Variants in LGALS3 observed in about 807,000 individuals in gnomAD.
LGALS3 encodes the protein galectin 3.
Under a neutral mutation model 20.7 loss-of-function variants are expected in LGALS3, and 18 were observed. The observed-to-expected ratio is 0.87, with a 90% CI of 0.60 to 1.29. The LOEUF (loss-of-function observed/expected upper bound fraction) is 1.29. LGALS3 is among the 50% of genes most tolerant of loss of function. The pLI is 0.00. For missense variants in LGALS3, 315 were observed against 314.7 expected (o/e 1.00, Z -0.01); for synonymous variants, 112 against 119.6 (o/e 0.94, Z 0.42).
Position 55,138,322 on chromosome 14 carries a change from G to C in LGALS3, c.296G>C (p.Gly99Ala), listed in dbSNP as rs1302896254. 6.2e-7 allele frequency: 1 copy of C among 1,612,462 alleles called. No homozygotes were observed. The highest frequency in any genetic ancestry group is 8.5e-7 in the Non-Finnish European group (1 of 1,179,848). ...TCTTCTGGACAGCCAAGTGCCACCG[G>C]AGCCTACCCTGCCACTGGCCCCTAT... Reference protein sequence around the residue: ...YPSSGQPSATGAYPATGPYGA... With the variant: ...YPSSGQPSATAAYPATGPYGA... Residue 99 changes from glycine to alanine, a missense_variant, in exon 3 of 6, where the codon GGA becomes GCA. Physicochemically the swap from Gly to Ala is moderately conservative, Grantham distance 60. Transcript: ENST00000254301.
In LGALS3 at chr14:55,140,328, A is replaced by G. The variant is rs1324395685; in HGVS notation, c.396A>G (p.Ile132Met). Residue 132 changes from isoleucine to methionine, a missense_variant, in exon 4 of 6, where the codon ATA (isoleucine) becomes ATG (methionine). Coordinates refer to ENST00000254301, the MANE Select transcript of LGALS3 (RefSeq NM_002306.4). ...LPGGVVPRMLITILGTVKPNA... is the reference protein window; with the variant it reads ...LPGGVVPRMLMTILGTVKPNA... ...GGGGAGTGGTGCCTCGCATGCTGAT[A>G]ACAATTCTGGGCACGGTGAAGCCCA... 2 of 1,613,622 alleles carry G rather than the reference A, an allele frequency of 1.2e-6. No individual in the cohort carries two copies. Among genetic ancestry groups the G allele is most frequent in the Non-Finnish European group, 1.7e-6 (2 of 1,179,810 alleles).
At chr14:55,135,550 A>G (rs1442923440) in intron 1 of LGALS3, among the ~76,000 whole-genome samples, 1 of 148,340 alleles carries the variant, frequency 6.7e-6, no homozygotes, top group African/African-American at 2.5e-5. Flanking sequence ...AAATAAGGTA[A>G]TATTTTATGG....
At chr14:55,131,287 G>A (rs1381817870) in intron 1 of LGALS3, among the ~76,000 whole-genome samples, 1 of 152,206 alleles carries the variant, frequency 6.6e-6, no homozygotes, top group Non-Finnish European at 1.5e-5. Context: ...CTGTTAAGCG[G>A]TCTTTAAACT....
At position 55,129,754 on chromosome 14, in the gene LGALS3, A is replaced by G. The variant is rs946896694; in HGVS notation, c.-5+454A>G. 9.2e-5 allele frequency among the ~76,000 whole-genome samples: 14 copies of G among 152,238 alleles called. No individual in the cohort carries two copies. The East Asian group carries it at 2.7e-3, about 30-fold the overall frequency. ...GCTCAGCAAACCAGACGGCCGCTCCAGTTTCTCTAATTGGGGTTGGAGCCC... is the reference window on the plus strand; with the variant it reads ...GCTCAGCAAACCAGACGGCCGCTCCGGTTTCTCTAATTGGGGTTGGAGCCC... On this transcript the variant is annotated intron_variant, in intron 1 of 5. Transcript: ENST00000254301. This position sits in a 1 kb window ranked among gnomAD's most constrained non-coding sequence, Gnocchi z 5.3.
intron 1 of LGALS3, among the ~76,000 whole-genome samples, chr14:55,136,254 T>G (rs1881391384): frequency 6.6e-6 from 1 of 152,148 alleles, no homozygotes; most frequent in Non-Finnish European, 1.5e-5. Context: ...TTGCCTGAAT[T>G]TTTTCACCTT....
At chr14:55,144,315 T>C (rs1881737661) in intron 5 of LGALS3, among the ~76,000 whole-genome samples, 2 of 152,216 alleles carry the variant, frequency 1.3e-5, no homozygotes, top group Non-Finnish European at 2.9e-5. Context: ...GGCTAATTTT[T>C]GTATTTTTCT....
chr14:55,132,991 T>A (rs1881275259), intron 1 of LGALS3, among the ~76,000 whole-genome samples: 1 of 152,262 alleles, frequency 6.6e-6, no homozygotes, highest in Non-Finnish European at 1.5e-5. Flanking sequence ...CAAAATGGCA[T>A]TCTTGTATTC....
At chr14:55,144,089 G>T (rs1881729982) in intron 5 of LGALS3, among the ~76,000 whole-genome samples, 1 of 152,134 alleles carries the variant, frequency 6.6e-6, no homozygotes. Context: ...TACAACATTT[G>T]CCAGAGGAAT....
chr14:55,142,581 CAG>C lies in LGALS3; in HGVS notation c.432-1_432del. 1 of 1,610,744 alleles carries C rather than the reference CAG, an allele frequency of 6.2e-7. No individual in the cohort carries two copies. The highest frequency in any genetic ancestry group is 2.2e-5 in the East Asian group (1 of 44,844). On this transcript the variant is annotated splice_acceptor_variant, in intron 4 of 5. Coordinates refer to ENST00000254301, the MANE Select transcript of LGALS3 (RefSeq NM_002306.4). LOFTEE classifies it high-confidence loss of function. ...TTAATAACTGGTCTTTGGTTTAAAA[CAG>C]AATTGCTTTAGATTTCCAAAGAGGG... is the stretch of plus-strand genomic sequence containing the variant.
chr14:55,129,484 C>T lies in LGALS3; in HGVS notation c.-5+184C>T, dbSNP rs1359260332. ...GGGGCGGCGGGCAGCGATCTGGGCCCGGGGCAGTCGCCTTTGATTATCGAG... is the reference window on the plus strand; with the variant it reads ...GGGGCGGCGGGCAGCGATCTGGGCCTGGGGCAGTCGCCTTTGATTATCGAG... On this transcript the variant is annotated intron_variant, in intron 1 of 5. Coordinates refer to ENST00000254301, the MANE Select transcript of LGALS3 (RefSeq NM_002306.4). The surrounding 1 kb of genome is among the most constrained non-coding windows in gnomAD (Gnocchi z 5.3). Among the ~76,000 whole-genome samples, 1 of 152,078 alleles carries T rather than the reference C, an allele frequency of 6.6e-6. No individual in the cohort carries two copies. Among genetic ancestry groups the T allele is most frequent in the Non-Finnish European group, 1.5e-5 (1 of 67,994 alleles).
intron 1 of LGALS3, among the ~76,000 whole-genome samples, chr14:55,130,753 T>TGG (rs752557592): frequency 2.3e-3 from 142 of 60,878 alleles, no homozygotes; most frequent in African/African-American, 5.3e-3. Context: ...GTGGTGGTGG[T>TGG]GGGGGGGGGG....
intron 5 of LGALS3, among the ~76,000 whole-genome samples, chr14:55,143,150 AT>A (rs1372805069): frequency 6.6e-6 from 1 of 152,336 alleles, no homozygotes; most frequent in East Asian, 1.9e-4. Flanking sequence ...AAGTTTATAA[AT>A]TTTTAAATTA....
intron 4 of LGALS3, among the ~76,000 whole-genome samples, chr14:55,141,014 G>C (rs997895450): frequency 2.6e-5 from 4 of 152,176 alleles, no homozygotes; most frequent in African/African-American, 7.2e-5. Context: ...CCTAAGGTTA[G>C]TGGAACTGTC....
At chr14:55,139,244 T>C (rs778055110) in intron 3 of LGALS3, among the ~76,000 whole-genome samples, 1 of 152,152 alleles carries the variant, frequency 6.6e-6, no homozygotes, top group Non-Finnish European at 1.5e-5. Flanking sequence ...CCCCAGAATC[T>C]ACTGATTATG....
chr14:55,140,623 G>T (rs1223115207), intron 4 of LGALS3, among the ~76,000 whole-genome samples: 3 of 152,126 alleles, frequency 2.0e-5, no homozygotes, highest in Non-Finnish European at 2.9e-5. Flanking sequence ...ACTTTGATAT[G>T]TATTATGTCA....
chr14:55,141,455 C>T (rs972129284), intron 4 of LGALS3, among the ~76,000 whole-genome samples: 9 of 152,364 alleles, frequency 5.9e-5, no homozygotes, highest in African/African-American at 2.2e-4. Context: ...CCTCCTCCCA[C>T]AACCCCTAAC....
At chr14:55,136,405 T>G (rs758781400) in intron 1 of LGALS3, among the ~76,000 whole-genome samples, 4 of 152,182 alleles carry the variant, frequency 2.6e-5, no homozygotes, top group Non-Finnish European at 5.9e-5. Context: ...GCTTTCTGGG[T>G]TTGAATTCCT....
intron 1 of LGALS3, among the ~76,000 whole-genome samples, chr14:55,136,662 A>G: frequency 6.6e-6 from 1 of 152,222 alleles, no homozygotes; most frequent in East Asian, 1.9e-4. Flanking sequence ...TGTGTTACAA[A>G]CAATCCAGTT....
intron 2 of LGALS3, chr14:55,137,636 G>A (rs776279761): frequency 3.9e-5 from 56 of 1,433,066 alleles, no homozygotes; most frequent in African/African-American, 1.0e-4. Context: ...GGCCCAGGGC[G>A]GAAGGGAGTG....
Sources: gnomAD v4.1 joint callset for allele counts (sites outside exome capture counted in the v4.1 genomes callset) on GRCh38, gnomAD v4.1.1 for gene constraint, Gnocchi (gnomAD v3.1) non-coding constraint, MANE v1.5 for transcripts, NCBI Gene and HGNC (gene_info 2026-07-23, HGNC 2026-07-21) for gene names.